The following CETP variants were observed in gnomAD, a reference collection of about 807,000 sequenced individuals.
CETP encodes BPI fold containing family F.
CETP carries 56 observed loss-of-function variants against 66.5 expected under a neutral mutation model. The ratio of observed to expected loss-of-function variants is 0.84; its 90% CI spans 0.68 to 1.05. The LOEUF is 1.05. Among genes scored for constraint, CETP ranks in the 50% least tolerant of loss-of-function variants. The probability of loss-of-function intolerance (pLI) is 0.00; values close to 1 mark genes in which losing one functional copy is unlikely to be tolerated. For missense variants in CETP, 612 were observed against 609.6 expected (o/e 1.00, Z -0.04); for synonymous variants, 251 against 245.7 (o/e 1.02, Z -0.20).
intron 5 of CETP, 101 bp from the exon 6 acceptor site, chr16:56,970,932 G>C (rs1470193947): frequency 2.8e-6 from 3 of 1,090,026 alleles, no homozygotes; most frequent in Non-Finnish European, 4.2e-6. Context: ...AGCTACAAGA[G>C]TCAGGGCCAA....
At chr16:56,978,002 C>T (rs1567474724) in intron 10 of CETP, 89 bp from the exon 11 acceptor site, 5 of 1,528,208 alleles carry the variant, frequency 3.3e-6, no homozygotes, top group Non-Finnish European at 4.4e-6. Flanking sequence ...GGGCCCGGAG[C>T]CAGCTTTGTC....
chr16:56,968,445 C>G (rs1407688650), intron 2 of CETP, among the ~76,000 whole-genome samples: 1 of 152,170 alleles, frequency 6.6e-6, no homozygotes, highest in African/African-American at 2.4e-5. Flanking sequence ...CCTCGGCCTC[C>G]CAAAGTGCTA....
At chr16:56,969,252 G>C in intron 2 of CETP, 134 bp from the exon 3 acceptor site, 2 of 1,128,588 alleles carry the variant, frequency 1.8e-6, no homozygotes. Flanking sequence ...CATATTTGCA[G>C]GTTCTGTGGA....
At chr16:56,965,412 A>T (rs1200192230) in intron 2 of CETP, among the ~76,000 whole-genome samples, 1 of 151,686 alleles carries the variant, frequency 6.6e-6, no homozygotes, top group Non-Finnish European at 1.5e-5. Context: ...AGAACAGAAC[A>T]GACCGGGAAA....
At chr16:56,971,005 G>A in intron 5 of CETP, 28 bp from the exon 6 acceptor site, 1 of 1,612,516 alleles carries the variant, frequency 6.2e-7, no homozygotes, top group South Asian at 1.1e-5. Flanking sequence ...ACTGGTCAGG[G>A]GCTCATTGTG....
intron 8 of CETP, among the ~76,000 whole-genome samples, chr16:56,972,608 C>T (rs1376774049): frequency 6.6e-6 from 1 of 152,238 alleles, no homozygotes; most frequent in Non-Finnish European, 1.5e-5. Flanking sequence ...CAGGCATGAC[C>T]TCATCCCAGG....
rs749051993 is a variant in CETP at position 56,978,292 on chromosome 16, C to A, written c.1146+37C>A. 18 of 1,613,176 alleles carry A rather than the reference C, an allele frequency of 1.1e-5. No homozygotes were observed. In the South Asian group the frequency reaches 1.8e-4, roughly 16 times the overall value. On this transcript the variant is annotated intron_variant, in intron 11 of 15. Coordinates refer to ENST00000200676, the MANE Select transcript of CETP (RefSeq NM_000078.3). ...GCAGGGAGAGGTGGTGGTGGGGGAA[C>A]CTGACTCACATATGGGCCGCAGAGG...
chr16:56,963,043 C>G lies in CETP; in HGVS notation c.152C>G (p.Ala51Gly). Reference sequence around the variant, plus strand: ...GAGACTGCCAAGGTGATCCAGACCGCCTTCCAGCGAGCCAGCTACCCAGAT... The same window carrying G: ...GAGACTGCCAAGGTGATCCAGACCGGCTTCCAGCGAGCCAGCTACCCAGAT... ...NHETAKVIQT[A>G]FQRASYPDIT... is the part of the protein sequence containing the mutation. The change falls in exon 2 of 16, where the codon GCC becomes GGC. Residue 51 changes from alanine (A) to glycine (G), a missense_variant. Transcript: ENST00000200676. The G allele has an allele frequency of 6.2e-7, 1 of 1,614,176 alleles. No individual in the cohort carries two copies. The highest frequency in any genetic ancestry group is 8.5e-7 in the Non-Finnish European group (1 of 1,180,014).
At chr16:56,979,620 C>T (rs1383603367) in intron 11 of CETP, among the ~76,000 whole-genome samples, 4 of 151,892 alleles carry the variant, frequency 2.6e-5, no homozygotes, top group Admixed American at 6.5e-5. Flanking sequence ...AAGCGATTCG[C>T]GTGCCTCAGC....
chr16:56,965,724 C>T (rs778096576), intron 2 of CETP, among the ~76,000 whole-genome samples: 2 of 152,132 alleles, frequency 1.3e-5, no homozygotes, highest in African/African-American at 4.8e-5. Context: ...GTGCTCAAGC[C>T]GGGCCCTGGG....
rs150550739 is a variant in CETP at position 56,972,036 on chromosome 16, A to G, written c.703A>G (p.Thr235Ala). Residue 235 changes from threonine (T) to alanine (A), a missense_variant, in exon 8 of 16, where the codon ACA becomes GCA. By Grantham distance (58) the Thr-to-Ala change is moderately conservative (BLOSUM62 0). Transcript: ENST00000200676. ...AGACATTGGGGTGGACATTTCCCTG[A>G]CAGGTGATCCCGTCATCACAGCCTC... Reference protein sequence around the residue: ...DGDIGVDISLTGDPVITASYL... With the variant: ...DGDIGVDISLAGDPVITASYL... 1 of 1,614,000 alleles carries G rather than the reference A, an allele frequency of 6.2e-7. No individual in the cohort carries two copies. Among genetic ancestry groups the G allele is most frequent in the Non-Finnish European group, 8.5e-7 (1 of 1,180,018 alleles).
chr16:56,964,720 G>A (rs1265114876), intron 2 of CETP, among the ~76,000 whole-genome samples: 1 of 152,234 alleles, frequency 6.6e-6, no homozygotes, highest in Non-Finnish European at 1.5e-5. Context: ...CGCCAGCGGT[G>A]CTGGATGCCA....
chr16:56,972,244 C>T (rs910947184), intron 8 of CETP, among the ~76,000 whole-genome samples, 161 bp downstream of exon 8: 1 of 152,176 alleles, frequency 6.6e-6, no homozygotes, highest in East Asian at 1.9e-4. Context: ...CCTGATGCTG[C>T]GAGGAGGGCA....
chr16:56,965,202 T>C (rs1224850869), intron 2 of CETP, among the ~76,000 whole-genome samples: 1 of 152,188 alleles, frequency 6.6e-6, no homozygotes, highest in African/African-American at 2.4e-5. Flanking sequence ...TCAGCAATAA[T>C]TCAGTAAGAC....
chr16:56,983,276 C>A, intron 14 of CETP, 50 bp from the exon 15 acceptor site: 1 of 1,531,936 alleles, frequency 6.5e-7, no homozygotes, highest in Non-Finnish European at 9.0e-7. Flanking sequence ...AGCCTCGGGC[C>A]GGCCTTGCTC....
chr16:56,969,587 T>TCCTG, intron 3 of CETP, 24 bp from the exon 4 acceptor site: 1 of 1,614,198 alleles, frequency 6.2e-7, no homozygotes, highest in African/African-American at 1.3e-5. Flanking sequence ...TGAATGAGGG[T>TCCTG]CCTGGGTCCT....
intron 13 of CETP, 118 bp downstream of exon 13, chr16:56,981,798 G>C: frequency 7.1e-6 from 7 of 985,292 alleles, no homozygotes; most frequent in Non-Finnish European, 1.1e-5. Flanking sequence ...TGTGGACCAG[G>C]TGGTCCATGC....
chr16:56,980,319 T>G (rs1437985747), intron 11 of CETP, among the ~76,000 whole-genome samples: 1 of 152,142 alleles, frequency 6.6e-6, no homozygotes, highest in East Asian at 1.9e-4. Context: ...CCTCAGCTTC[T>G]CGACTAGAGA....
At chr16:56,981,270 T>A in intron 12 of CETP, 45 bp downstream of exon 12, 2 of 1,467,720 alleles carry the variant, frequency 1.4e-6, no homozygotes, top group Non-Finnish European at 1.9e-6. Flanking sequence ...TCCGCAAACC[T>A]CTCCCTGGCC....
Sources: gnomAD v4.1 joint callset for allele counts (sites outside exome capture counted in the v4.1 genomes callset) on GRCh38, gnomAD v4.1.1 for gene constraint, MANE v1.5 for transcripts, NCBI Gene and HGNC (gene_info 2026-07-23, HGNC 2026-07-21) for gene names.